Variants in ZNF385D observed in about 807,000 individuals in gnomAD.
The protein encoded by ZNF385D is zinc finger protein 659.
A neutral mutation model predicts 35.8 loss-of-function variants in ZNF385D; 15 were observed. The ratio of observed to expected loss-of-function variants is 0.42; its 90% CI spans 0.28 to 0.64. The LOEUF (loss-of-function observed/expected upper bound fraction) is 0.64. Ranked by LOEUF, ZNF385D falls within the 30% of genes least tolerant of loss-of-function variation. The probability of loss-of-function intolerance (pLI) is 0.23; values close to 1 mark genes in which losing one functional copy is unlikely to be tolerated. For synonymous variants in ZNF385D, 212 were observed against 186.8 expected, an observed-to-expected ratio of 1.13 and a Z score of -1.10; for missense variants, 474 against 494.6, an observed-to-expected ratio of 0.96 and a Z score of 0.39.
At chr3:21,884,274 GCA>G (rs1490520170) in intron 3 of ZNF385D, among the ~76,000 whole-genome samples, 2 of 151,994 alleles carry the variant, frequency 1.3e-5, no homozygotes, top group Non-Finnish European at 2.9e-5. Flanking sequence ...CAGGCACTTA[GCA>G]CAGAGTGTGC....
At chr3:21,874,943 T>C (rs1697885957) in intron 3 of ZNF385D, among the ~76,000 whole-genome samples, 3 of 152,034 alleles carry the variant, frequency 2.0e-5, no homozygotes, top group South Asian at 2.1e-4. Context: ...TAAGGCTTTG[T>C]GTTCTTAATT....
At chr3:21,751,274 C>G (rs7623361), upstream of ZNF385D, 4 of 1,104,002 alleles carry the variant, frequency 3.6e-6, no homozygotes, top group East Asian at 7.3e-5. Flanking sequence ...AGCCGCTCCA[C>G]GAGGTGCTCC....
At chr3:21,904,825 G>A (rs921455767) in intron 3 of ZNF385D, among the ~76,000 whole-genome samples, 1 of 152,184 alleles carries the variant, frequency 6.6e-6, no homozygotes, top group South Asian at 2.1e-4. Flanking sequence ...CAGTACTTAT[G>A]AGAAAATAAG....
At chr3:22,006,128 C>T (rs564303849) in intron 3 of ZNF385D, among the ~76,000 whole-genome samples, 3 of 152,078 alleles carry the variant, frequency 2.0e-5, no homozygotes, top group Admixed American at 2.0e-4. Context: ...TTAGATCACT[C>T]TTCAACCTTT....
At chr3:21,864,260 A>T (rs1391445738) in intron 3 of ZNF385D, among the ~76,000 whole-genome samples, 2 of 152,156 alleles carry the variant, frequency 1.3e-5, no homozygotes, top group African/African-American at 4.8e-5. Flanking sequence ...CATGAAGTTC[A>T]TGAAGTCTGA....
At chr3:21,846,184 A>C (rs1018536786) in intron 3 of ZNF385D, among the ~76,000 whole-genome samples, 1 of 152,048 alleles carries the variant, frequency 6.6e-6, no homozygotes, top group African/African-American at 2.4e-5. Context: ...GAAACAGGCC[A>C]ACATGGTAGA....
chr3:21,825,943 T>A (rs1575727841), intron 3 of ZNF385D, among the ~76,000 whole-genome samples: 1 of 152,132 alleles, frequency 6.6e-6, no homozygotes, highest in Non-Finnish European at 1.5e-5. Context: ...CAAAACCCTG[T>A]TGTGAACTGT....
At chr3:22,021,066 T>C (rs1020588543) in intron 3 of ZNF385D, among the ~76,000 whole-genome samples, 2 of 151,776 alleles carry the variant, frequency 1.3e-5, no homozygotes, top group African/African-American at 4.8e-5. Context: ...TAAAAATGTA[T>C]ACCCATGGAC....
At chr3:21,848,074 T>G (rs75365633) in intron 3 of ZNF385D, among the ~76,000 whole-genome samples, 5,825 of 152,126 alleles carry the variant, frequency 0.038, 385 homozygotes, top group African/African-American at 0.13. Context: ...AGTGAATTAT[T>G]CAGTCCCACT....
intron 3 of ZNF385D, among the ~76,000 whole-genome samples, chr3:22,107,311 C>T (rs1478673829): frequency 1.3e-5 from 2 of 152,020 alleles, no homozygotes; most frequent in African/African-American, 4.8e-5. Flanking sequence ...GCACGAGCCA[C>T]CGCACCAAGC....
intron 3 of ZNF385D, among the ~76,000 whole-genome samples, chr3:21,805,339 G>C (rs1443522016): frequency 2.0e-5 from 3 of 152,122 alleles, no homozygotes; most frequent in Non-Finnish European, 4.4e-5. Flanking sequence ...TTGTAAATCT[G>C]GGTGCTTAGG....
At chr3:21,882,225 A>C (rs1364027972) in intron 3 of ZNF385D, among the ~76,000 whole-genome samples, 1 of 152,024 alleles carries the variant, frequency 6.6e-6, no homozygotes, top group Non-Finnish European at 1.5e-5. Context: ...TTGTGAAAAG[A>C]AAATGCAGTA....
intron 4 of ZNF385D, among the ~76,000 whole-genome samples, chr3:21,501,430 TA>T (rs1215032582): frequency 6.6e-6 from 1 of 152,222 alleles, no homozygotes; most frequent in Non-Finnish European, 1.5e-5. Context: ...GTGTAATTCT[TA>T]ATTCAAATAT....
In ZNF385D at chr3:21,505,219, C is replaced by G. The variant is rs143260774; in HGVS notation, c.439+5642G>C. ...TTTTTGAATCTGTTAAGTATTGATG[C>G]TTGAAAGCCATCCAAGTAAGTGAGC... On this transcript the variant is annotated intron_variant, in intron 4 of 7. Transcript: ENST00000281523. Among the ~76,000 whole-genome samples, 291 of 152,008 alleles carry G rather than the reference C, an allele frequency of 1.9e-3. 1 individual carries two copies. Among genetic ancestry groups the G allele is most frequent in the African/African-American group, 6.8e-3 (280 of 41,434 alleles).
intron 3 of ZNF385D, among the ~76,000 whole-genome samples, chr3:22,007,519 T>C (rs1696286584): frequency 6.6e-6 from 1 of 152,216 alleles, no homozygotes; most frequent in Non-Finnish European, 1.5e-5. Flanking sequence ...ATGGCATTCA[T>C]TGCTGGCTTC....
intron 2 of ZNF385D, among the ~76,000 whole-genome samples, chr3:22,228,358 G>T (rs1300206256): frequency 6.6e-6 from 1 of 152,046 alleles, no homozygotes; most frequent in Non-Finnish European, 1.5e-5. Flanking sequence ...GCAGGTCACT[G>T]GTCCCCCTAC....
rs139464162 is a variant in ZNF385D, at chr3:21,892,194, T to C, written c.326-227166A>G. On this transcript the variant is annotated intron_variant, in intron 3 of 5. Transcript: ENST00000494108. Reference sequence around the variant, plus strand: ...CTCAAATGAAATCTTATTTTTATAATTGAGATGGAAAAATTTGAATATATA... The same window carrying C: ...CTCAAATGAAATCTTATTTTTATAACTGAGATGGAAAAATTTGAATATATA... 1.1e-3 allele frequency among the ~76,000 whole-genome samples: 173 copies of C among 152,286 alleles called. 1 individual carries two copies. Among genetic ancestry groups the C allele is most frequent in the African/African-American group, 4.0e-3 (165 of 41,564 alleles).
intron 3 of ZNF385D, among the ~76,000 whole-genome samples, chr3:21,947,166 G>A (rs628155): frequency 0.26 from 39,230 of 151,740 alleles, 5,734 homozygotes; most frequent in Admixed American, 0.41. Context: ...TGGATATAAG[G>A]AACACTGAAT....
rs199786573 is a variant in ZNF385D, at chr3:22,248,530, TA to T, written c.107-79496del. On this transcript the variant is annotated intron_variant, in intron 2 of 5. Transcript: ENST00000494108. ...TTAGACAAAGTCCATTATGGAGAAG[TA>T]AAAATTGGGCCTCTCTAAATTGACA... Among the ~76,000 whole-genome samples the T allele has an allele frequency of 9.8e-3, 1,491 of 152,204 alleles. 27 individuals carry two copies. The highest frequency in any genetic ancestry group is 0.034 in the African/African-American group (1,421 of 41,534).
Sources: allele counts gnomAD v4.1 joint callset (sites outside exome capture counted in the v4.1 genomes callset), GRCh38; gene constraint gnomAD v4.1.1; transcripts MANE v1.5; gene names NCBI Gene and HGNC (gene_info 2026-07-23, HGNC 2026-07-21).